Variants in CNOT9 observed in about 807,000 individuals in gnomAD.
CNOT9 encodes the protein RCD1 required for cell differentiation1 homolog.
A neutral mutation model predicts 37.4 loss-of-function variants in CNOT9; 8 were observed. The observed-to-expected ratio is 0.21, with a 90% CI of 0.13 to 0.39. The LOEUF is 0.39. CNOT9 is among the 10% of genes least tolerant of loss of function. CNOT9 has a pLI of 1.00. For synonymous variants in CNOT9, 120 were observed against 137.6 expected (o/e 0.87, Z 0.90); for missense variants, 154 against 365.3 (o/e 0.42, Z 4.71).
At chr2:218,574,701 C>T (rs1296293628) in intron 1 of CNOT9, among the ~76,000 whole-genome samples, 1 of 152,148 alleles carries the variant, frequency 6.6e-6, no homozygotes, top group Non-Finnish European at 1.5e-5. Context: ...ATGGTATGCT[C>T]AATAAATATT....
At chr2:218,583,223 GTGTGTGTGTGTCTCTCTC>G (rs1694465285) in intron 3 of CNOT9, 137 bp downstream of exon 3, 34 of 365,158 alleles carry the variant, frequency 9.3e-5, no homozygotes, top group East Asian at 7.0e-4. Flanking sequence ...GTGTGTGTGT[GTGTGTGTGTGTCTCTCTC>G]TCTCTCTCTC....
intron 5 of CNOT9, among the ~76,000 whole-genome samples, chr2:218,588,614 T>TTTTTTTTTTTTTTTTTTG (rs1694674039): frequency 8.6e-6 from 1 of 116,272 alleles, no homozygotes; most frequent in African/African-American, 3.2e-5. Context: ...TTTTTTTTTT[T>TTTTTTTTTTTTTTTTTTG]GAGATGGAGT....
intron 1 of CNOT9, among the ~76,000 whole-genome samples, chr2:218,571,797 C>CT (rs1694004381): frequency 6.8e-6 from 1 of 146,200 alleles, no homozygotes; most frequent in African/African-American, 2.6e-5. Flanking sequence ...GTTGGTCAGC[C>CT]TGGTCTCGAA....
chr2:218,569,050 T>C (rs1339408406), intron 1 of CNOT9, 72 bp downstream of exon 1: 11 of 1,545,442 alleles, frequency 7.1e-6, no homozygotes, highest in Non-Finnish European at 8.9e-6. Flanking sequence ...TCTCTCCTAA[T>C]TCCCGGTGTC....
intron 5 of CNOT9, among the ~76,000 whole-genome samples, chr2:218,591,166 A>C (rs571191809): frequency 2.0e-5 from 3 of 152,188 alleles, no homozygotes; most frequent in Non-Finnish European, 4.4e-5. Flanking sequence ...TTTGAGAGCC[A>C]TTATTCAGCC....
In CNOT9 at chr2:218,580,575, A is replaced by G. The variant is rs747285694; in HGVS notation, c.39A>G (p.Thr13=). The change falls in exon 2 of 8, where the codon ACA becomes ACG. Residue 13 remains threonine, a synonymous_variant. Transcript: ENST00000273064. ...SLATAAPVPT[T]LAQVDREKIY... is the part of the protein sequence containing the mutation. The stretch of plus-strand genomic sequence containing the variant: ...TTCATCTGAAGCCTGTGCCTACTAC[A>G]CTGGCACAAGTGGATAGAGAAAAGA... 8 of 1,612,638 alleles carry G rather than the reference A, an allele frequency of 5.0e-6. No individual in the cohort carries two copies. Among genetic ancestry groups the G allele is most frequent in the Admixed American group, 1.7e-5 (1 of 59,712 alleles).
At chr2:218,575,907 T>A (rs1317888711) in intron 1 of CNOT9, among the ~76,000 whole-genome samples, 45 of 152,162 alleles carry the variant, frequency 3.0e-4, no homozygotes, top group Admixed American at 2.9e-3. Flanking sequence ...ATTAGTAAAT[T>A]AAAAATTCAA....
chr2:218,580,300 A>G (rs1184011954), intron 1 of CNOT9, among the ~76,000 whole-genome samples: 6 of 152,106 alleles, frequency 3.9e-5, no homozygotes, highest in Non-Finnish European at 5.9e-5. Context: ...TGCAACAGTA[A>G]ACATCCTGGT....
intron 1 of CNOT9, among the ~76,000 whole-genome samples, 157 bp from the exon 2 acceptor site, chr2:218,580,404 A>G (rs577483056): frequency 4.1e-4 from 63 of 152,358 alleles, no homozygotes; most frequent in African/African-American, 1.4e-3. Context: ...TTCATCAGTA[A>G]CTACCAAAGA....
intron 1 of CNOT9, among the ~76,000 whole-genome samples, chr2:218,577,844 G>T (rs1694226103): frequency 6.6e-6 from 1 of 152,160 alleles, no homozygotes; most frequent in Non-Finnish European, 1.5e-5. Flanking sequence ...ATCAGGAAAG[G>T]TACTATATTG....
At chr2:218,580,783 C>A in intron 2 of CNOT9, 43 bp downstream of exon 2, 1 of 1,535,246 alleles carries the variant, frequency 6.5e-7, no homozygotes, top group Non-Finnish European at 8.9e-7. Flanking sequence ...CTTTTCATTA[C>A]ACTTGTATAT....
At chr2:218,588,281 A>G (rs544050265) in intron 5 of CNOT9, among the ~76,000 whole-genome samples, 1 of 148,676 alleles carries the variant, frequency 6.7e-6, no homozygotes, top group South Asian at 2.1e-4. Flanking sequence ...TTTGATAATC[A>G]TATATCTTTT....
rs2106086093 is a variant in CNOT9, at chr2:218,580,573, A to G, written c.37A>G (p.Thr13Ala). 6.2e-7 allele frequency: 1 copy of G among 1,612,500 alleles called. No homozygotes were observed. The highest frequency in any genetic ancestry group is 8.5e-7 in the Non-Finnish European group (1 of 1,179,138). Residue 13 changes from threonine (T) to alanine (A), a missense_variant, in exon 2 of 8, where the codon ACA becomes GCA. Physicochemically the swap from Thr to Ala is moderately conservative, Grantham distance 58 (BLOSUM62 0). This residue lies in a region of CNOT9 where 37 missense variants were observed against 39.9 expected (regional missense o/e 0.93). Transcript: ENST00000273064. ...TCTTCATCTGAAGCCTGTGCCTACT[A>G]CACTGGCACAAGTGGATAGAGAAAA... ...SLATAAPVPT[T>A]LAQVDREKIY...
chr2:218,580,068 A>G (rs949165815), intron 1 of CNOT9, among the ~76,000 whole-genome samples: 2 of 149,994 alleles, frequency 1.3e-5, no homozygotes, highest in Non-Finnish European at 3.0e-5. Context: ...TCCCAAGTTC[A>G]AGCAATTCTC....
intron 3 of CNOT9, among the ~76,000 whole-genome samples, chr2:218,583,489 G>C (rs988374643): frequency 6.6e-6 from 1 of 152,128 alleles, no homozygotes; most frequent in African/African-American, 2.4e-5. Flanking sequence ...ACTGAACCCA[G>C]ATTTGACTTC....
intron 3 of CNOT9, among the ~76,000 whole-genome samples, chr2:218,583,986 A>G (rs1694502476): frequency 6.6e-6 from 1 of 152,230 alleles, no homozygotes; most frequent in South Asian, 2.1e-4. Flanking sequence ...TAAGCCTGAT[A>G]ATGGCTGCTT....
intron 5 of CNOT9, 81 bp downstream of exon 5, chr2:218,587,776 C>A (rs1456988404): frequency 1.5e-5 from 9 of 603,062 alleles, no homozygotes; most frequent in Non-Finnish European, 2.3e-5. Flanking sequence ...TTTCTCTCTT[C>A]AAGCTTTTGA....
chr2:218,581,884 C>T (rs1229390284), intron 2 of CNOT9, among the ~76,000 whole-genome samples: 1 of 152,066 alleles, frequency 6.6e-6, no homozygotes, highest in East Asian at 1.9e-4. Context: ...GAGTTTGAGA[C>T]CAACCTGGGC....
At chr2:218,584,477 G>C (rs1220389135) in intron 3 of CNOT9, 135 bp from the exon 4 acceptor site, 1 of 733,190 alleles carries the variant, frequency 1.4e-6, no homozygotes, top group East Asian at 2.5e-5. Flanking sequence ...CTAATGACCA[G>C]TAACATTGTT....
Sources: allele counts gnomAD v4.1 joint callset (sites outside exome capture counted in the v4.1 genomes callset), GRCh38; gene constraint gnomAD v4.1.1; regional missense constraint gnomAD v4.1.1; transcripts MANE v1.5; gene names NCBI Gene and HGNC (gene_info 2026-07-23, HGNC 2026-07-21).